ZMYM4: variants seen among roughly 807,000 people sequenced by gnomAD.
ZMYM4 encodes the protein zinc finger MYM-type protein 4.
A neutral mutation model predicts 183.2 loss-of-function variants in ZMYM4; 31 were observed. The observed-to-expected ratio is 0.17, with a 90% CI of 0.13 to 0.23. ZMYM4 has a LOEUF of 0.23. ZMYM4 is among the 10% of genes least tolerant of loss of function. The probability of loss-of-function intolerance (pLI) is 1.00; values close to 1 mark genes in which losing one functional copy is unlikely to be tolerated. For missense variants in ZMYM4, 1,273 were observed against 1,840.3 expected (o/e 0.69, Z 5.64); for synonymous variants, 592 against 631.2 (o/e 0.94, Z 0.93).
rs537464479 is a variant in ZMYM4 at position 35,381,224 on chromosome 1, T to C, written c.1182-35T>C. On this transcript the variant is annotated intron_variant, in intron 7 of 29. Coordinates refer to ENST00000314607, the MANE Select transcript of ZMYM4 (RefSeq NM_005095.3). ...ACAGAAAGGAAAAAGAAATGAATTATACCATGGCTTATGTTATTTTTTTCT... is the reference window on the plus strand; with the variant it reads ...ACAGAAAGGAAAAAGAAATGAATTACACCATGGCTTATGTTATTTTTTTCT... 2.7e-6 allele frequency: 4 copies of C among 1,506,544 alleles called. No homozygotes were observed. The Admixed American group carries it at 6.3e-5, about 24-fold the overall frequency. 93.3% of individuals were successfully genotyped at this position (1,506,544 alleles called of 1,614,324 possible). A position where few individuals can be genotyped will look rare whatever the true frequency, so the allele number is the denominator to read the frequency against.
In ZMYM4 at chr1:35,356,098, C is replaced by T. The variant is rs566891; in HGVS notation, c.86-2827C>T. On this transcript the variant is annotated intron_variant, in intron 2 of 29. Transcript: ENST00000314607. ...GGCGGCATGCGCCTGTTATCTCAGCCACTTGAGAGGCTGAGGTAGGAGGAT... is the reference window on the plus strand; with the variant it reads ...GGCGGCATGCGCCTGTTATCTCAGCTACTTGAGAGGCTGAGGTAGGAGGAT... 8.7e-3 allele frequency among the ~76,000 whole-genome samples: 1,318 copies of T among 152,186 alleles called. 21 individuals are homozygous for T. Among genetic ancestry groups the T allele is most frequent in the African/African-American group, 0.026 (1,069 of 41,516 alleles).
In ZMYM4 at chr1:35,361,229, C is replaced by A; in HGVS notation, c.643C>A (p.Pro215Thr). 1 of 1,604,932 alleles carries A rather than the reference C, an allele frequency of 6.2e-7. No individual in the cohort carries two copies. Among genetic ancestry groups the A allele is most frequent in the South Asian group, 1.1e-5 (1 of 88,658 alleles). ...QVEETLHTHL[P>T]QTPETNFRDS... is the part of the protein sequence containing the mutation. Reference sequence around the variant, plus strand: ...TGAAGAAACATTACATACCCATTTACCACAAACCCCAGAAACAAACTTTAG... The same window carrying A: ...TGAAGAAACATTACATACCCATTTAACACAAACCCCAGAAACAAACTTTAG... Residue 215 changes from proline to threonine, a missense_variant, in exon 4 of 30, where the codon CCA becomes ACA. By Grantham distance (38) the Pro-to-Thr change is conservative (BLOSUM62 -1). Coordinates refer to ENST00000314607, the MANE Select transcript of ZMYM4 (RefSeq NM_005095.3).
At chr1:35,317,350 T>C (rs1444893652) in intron 1 of ZMYM4, among the ~76,000 whole-genome samples, 1 of 151,950 alleles carries the variant, frequency 6.6e-6, no homozygotes, top group African/African-American at 2.4e-5. Context: ...AGAGAATCCC[T>C]TGAACCCGGG....
intron 1 of ZMYM4, among the ~76,000 whole-genome samples, chr1:35,280,130 GTCTCTC>G (rs772713809): frequency 7.1e-6 from 1 of 141,052 alleles, no homozygotes; most frequent in Non-Finnish European, 1.6e-5. Context: ...TTCTTTCTTT[GTCTCTC>G]TCTCTCTCTT....
intron 22 of ZMYM4, among the ~76,000 whole-genome samples, chr1:35,399,260 A>G (rs1454815885): frequency 6.6e-6 from 1 of 151,848 alleles, no homozygotes; most frequent in Admixed American, 6.6e-5. Flanking sequence ...ATTTTTTTTA[A>G]CCTTTCCCGT....
chr1:35,276,923 A>G (rs1439158784), intron 1 of ZMYM4, among the ~76,000 whole-genome samples: 1 of 152,180 alleles, frequency 6.6e-6, no homozygotes, highest in Non-Finnish European at 1.5e-5. Flanking sequence ...CCCCTTTCTT[A>G]ACTCATACCC....
chr1:35,289,551 A>G lies in ZMYM4; in HGVS notation c.39+20466A>G, dbSNP rs538652650. 9.2e-5 allele frequency among the ~76,000 whole-genome samples: 14 copies of G among 152,316 alleles called. No homozygotes were observed. The South Asian group carries it at 2.9e-3, about 32-fold the overall frequency. ...TTATTTCCTTACTTTAGATCACTCCACTGATTTAAAAATTGGTGATTACTT... is the reference window on the plus strand; with the variant it reads ...TTATTTCCTTACTTTAGATCACTCCGCTGATTTAAAAATTGGTGATTACTT... On this transcript the variant is annotated intron_variant, in intron 1 of 29. Coordinates refer to ENST00000314607, the MANE Select transcript of ZMYM4 (RefSeq NM_005095.3).
At chr1:35,402,154 T>C (rs1330574962) in intron 23 of ZMYM4, among the ~76,000 whole-genome samples, 7 of 150,662 alleles carry the variant, frequency 4.6e-5, no homozygotes, top group Admixed American at 2.0e-4. Context: ...AGAATTTCAG[T>C]TGGGGCTGTC....
chr1:35,396,754 A>G (rs1235113194), intron 19 of ZMYM4, 84 bp downstream of exon 19: 5 of 1,434,806 alleles, frequency 3.5e-6, no homozygotes, highest in Non-Finnish European at 4.7e-6. Flanking sequence ...GAAAGTTTTC[A>G]TTTGTTAGTA....
Position 35,405,083 on chromosome 1 carries a change from GGCT to G in ZMYM4, c.3593_3595del (p.Cys1198del), listed in dbSNP as rs1644977807. ...GAGTCTTATTCAAGGAGCCTTTCAA[GGCT>G]GCTCAGTGTCCGGGATGACACTGAA... On this transcript the variant is annotated inframe_deletion, in exon 24 of 30. Coordinates refer to ENST00000314607, the MANE Select transcript of ZMYM4 (RefSeq NM_005095.3). 1 of 1,613,980 alleles carries G rather than the reference GGCT, an allele frequency of 6.2e-7. No homozygotes were observed. The highest frequency in any genetic ancestry group is 8.5e-7 in the Non-Finnish European group (1 of 1,180,020).
rs1394253387 is a variant in ZMYM4 at position 35,419,869 on chromosome 1, A to G, written c.*192A>G. The G allele has an allele frequency of 1.7e-6, 1 of 602,788 alleles. No individual in the cohort carries two copies. The highest frequency in any genetic ancestry group is 2.9e-5 in the East Asian group (1 of 34,960). The allele number at this position is 602,788 out of a possible 1,614,324, so 37.3% of individuals were successfully genotyped here. A position where few individuals can be genotyped will look rare whatever the true frequency, so the allele number is the denominator to read the frequency against. ...TGAAGGAAAGAATATGAACTGAGAA[A>G]TGTTCTTTGGCAGTGATATAGTTCT... On this transcript the variant is annotated 3_prime_UTR_variant, in exon 30 of 30. Transcript: ENST00000314607.
intron 1 of ZMYM4, among the ~76,000 whole-genome samples, chr1:35,275,507 G>A (rs1291724185): frequency 6.6e-6 from 1 of 152,140 alleles, no homozygotes; most frequent in Non-Finnish European, 1.5e-5. Flanking sequence ...GATTACAGGC[G>A]TGAGCCACTG....
Position 35,375,738 on chromosome 1 carries a change from T to A in ZMYM4, c.1181+5111T>A, listed in dbSNP as rs559489547. Among the ~76,000 whole-genome samples, 6 of 152,334 alleles carry A rather than the reference T, an allele frequency of 3.9e-5. No homozygotes were observed. In the East Asian group the frequency reaches 1.2e-3, roughly 29 times the overall value. On this transcript the variant is annotated intron_variant, in intron 7 of 29. Coordinates refer to ENST00000314607, the MANE Select transcript of ZMYM4 (RefSeq NM_005095.3). ...TGAAAGAATTTTGGTTGCCATTTAATTTTTAGGTTTCCTTAATGATAGGGA... is the reference window on the plus strand; with the variant it reads ...TGAAAGAATTTTGGTTGCCATTTAAATTTTAGGTTTCCTTAATGATAGGGA...
At chr1:35,339,948 T>G (rs1643135651) in intron 2 of ZMYM4, among the ~76,000 whole-genome samples, 3 of 152,230 alleles carry the variant, frequency 2.0e-5, no homozygotes, top group Non-Finnish European at 4.4e-5. Context: ...TTGGACTGTT[T>G]GTTTGTTTAT....
chr1:35,354,219 AT>A (rs1325966094), intron 2 of ZMYM4, among the ~76,000 whole-genome samples: 2 of 152,220 alleles, frequency 1.3e-5, no homozygotes, highest in African/African-American at 4.8e-5. Context: ...CATTTCAAAG[AT>A]TTAAAAATTT....
chr1:35,325,240 T>G, intron 1 of ZMYM4, 120 bp from the exon 2 acceptor site: 1 of 821,004 alleles, frequency 1.2e-6, no homozygotes, highest in Non-Finnish European at 1.8e-6. Flanking sequence ...TTTGTTTATA[T>G]TGTGCACTTG....
At position 35,415,467 on chromosome 1, in the gene ZMYM4, T is replaced by G. The variant is rs774323779; in HGVS notation, c.4062T>G (p.Gly1354=). 6.2e-7 allele frequency: 1 copy of G among 1,614,226 alleles called. No individual in the cohort carries two copies. The highest frequency in any genetic ancestry group is 1.1e-5 in the South Asian group (1 of 91,088). The part of the protein sequence containing the change: ...KIWEPTILPN[G]YMFSRIEEEH... ...TCTTGTACCCCTTCTTCTGTCTAGG[T>G]TACATGTTCTCTCGCATTGAGGAAG... The change falls in exon 28 of 30, where the codon GGT becomes GGG. Residue 1354 remains glycine, a splice_region_variant and synonymous_variant. Coordinates refer to ENST00000314607, the MANE Select transcript of ZMYM4 (RefSeq NM_005095.3).
intron 1 of ZMYM4, among the ~76,000 whole-genome samples, chr1:35,318,282 T>C (rs1440134267): frequency 6.6e-6 from 1 of 151,996 alleles, no homozygotes; most frequent in African/African-American, 2.4e-5. Context: ...AGTCTTGAAC[T>C]CTTGACCTCA....
chr1:35,270,133 C>T (rs757505343), intron 1 of ZMYM4, among the ~76,000 whole-genome samples: 1 of 152,232 alleles, frequency 6.6e-6, no homozygotes, highest in Non-Finnish European at 1.5e-5. Flanking sequence ...AAGAATTTAA[C>T]TTCATAGTAA....
Sources: allele counts gnomAD v4.1 joint callset (sites outside exome capture counted in the v4.1 genomes callset), GRCh38; gene constraint gnomAD v4.1.1; transcripts MANE v1.5; gene names NCBI Gene and HGNC (gene_info 2026-07-23, HGNC 2026-07-21).